Variants in PCDHA6 observed in about 807,000 individuals in gnomAD.
PCDHA6 encodes protocadherin alpha-6.
Under a neutral mutation model 60.3 loss-of-function variants are expected in PCDHA6, and 55 were observed. The observed-to-expected ratio is 0.91, with a 90% confidence interval of 0.73 to 1.14. PCDHA6 has a LOEUF of 1.14. Ranked by LOEUF, PCDHA6 falls within the 50% of genes most tolerant of loss-of-function variation. The pLI, the probability that PCDHA6 is intolerant of heterozygous loss-of-function variation, is 0.00. For missense variants in PCDHA6, 1,327 were observed against 1,256.5 expected, an observed-to-expected ratio of 1.06 and a Z score of -0.85; for synonymous variants, 652 against 557.9, an observed-to-expected ratio of 1.17 and a Z score of -2.38.
At chr5:140,871,496 T>C in intron 1 of PCDHA6, 1 of 1,587,392 alleles carries the variant, frequency 6.3e-7, no homozygotes, top group Non-Finnish European at 8.6e-7. Flanking sequence ...CCCGGACAGG[T>C]GAGTTTTCTA....
Position 140,881,345 on chromosome 5 carries a change from T to A in PCDHA6, c.2394+50860T>A, listed in dbSNP as rs2058675594. The A allele has an allele frequency of 4.1e-6, 4 of 985,136 alleles. No individual in the cohort carries two copies. In the African/African-American group the frequency reaches 7.0e-5, roughly 17 times the overall value. The allele number at this position is 985,136 out of a possible 1,614,324, so 61.0% of individuals were successfully genotyped here. A position where few individuals can be genotyped will look rare whatever the true frequency, so the allele number is the denominator to read the frequency against. On this transcript the variant is annotated intron_variant, in intron 1 of 3. Transcript: ENST00000529310. ...ATTTAACCAGGACGCCGATTCGGGC[T>A]ACAATGCGTGGCTTTCGTATGAATT... is the stretch of plus-strand genomic sequence containing the variant.
At chr5:140,857,724 A>C in intron 1 of PCDHA6, 1 of 1,597,434 alleles carries the variant, frequency 6.3e-7, no homozygotes. Flanking sequence ...GACGAGAACG[A>C]CAACGCTCCC....
At chr5:140,884,391 C>G in intron 1 of PCDHA6, 1 of 1,613,982 alleles carries the variant, frequency 6.2e-7, no homozygotes, top group Non-Finnish European at 8.5e-7. Flanking sequence ...TGCGCGGTGT[C>G]CAGCCTGTTG....
chr5:140,900,416 T>G (rs1303205296), intron 1 of PCDHA6, among the ~76,000 whole-genome samples: 8 of 152,220 alleles, frequency 5.3e-5, no homozygotes, highest in Admixed American at 5.2e-4. Flanking sequence ...TAGCTGGGAT[T>G]ATAGGCACGT....
At chr5:140,993,103 G>A (rs2097540365) in intron 3 of PCDHA6, among the ~76,000 whole-genome samples, 1 of 152,218 alleles carries the variant, frequency 6.6e-6, no homozygotes, top group East Asian at 1.9e-4. Context: ...TTTATTCAGC[G>A]GTCAGTGTCA....
chr5:140,877,467 G>A (rs1554169776), intron 1 of PCDHA6: 1 of 1,613,750 alleles, frequency 6.2e-7, no homozygotes, highest in African/African-American at 1.3e-5. Flanking sequence ...CGGCCACGGT[G>A]CTGGTGTCGC....
chr5:140,913,462 G>A (rs1300773586), intron 1 of PCDHA6, among the ~76,000 whole-genome samples: 1 of 151,764 alleles, frequency 6.6e-6, no homozygotes, highest in African/African-American at 2.4e-5. Context: ...TTATTTACTT[G>A]GGTCTTCTCT....
Position 141,005,651 on chromosome 5 carries a change from G to A in PCDHA6, c.2543-3976G>A, listed in dbSNP as rs1554260215. ...CGGGAGGCGGAGCTTGCAGTGAGTC[G>A]AGATCGCGCCACTGCACTCCAGCCT... On this transcript the variant is annotated intron_variant, in intron 3 of 3. Coordinates refer to ENST00000529310, the MANE Select transcript of PCDHA6 (RefSeq NM_018909.4). Among the ~76,000 whole-genome samples, 4 of 131,238 alleles carry A rather than the reference G, an allele frequency of 3.0e-5. No homozygotes were observed. In the East Asian group the frequency reaches 7.0e-4, roughly 23 times the overall value. The allele number at this position is 131,238 out of a possible 152,430, so 86.1% of individuals were successfully genotyped here.
At position 140,876,586 on chromosome 5, in the gene PCDHA6, A is replaced by C. The variant is rs782256478; in HGVS notation, c.2394+46101A>C. 3 of 1,614,148 alleles carry C rather than the reference A, an allele frequency of 1.9e-6. No individual in the cohort carries two copies. The South Asian group carries it at 3.3e-5, about 18-fold the overall frequency. On this transcript the variant is annotated intron_variant, in intron 1 of 3. Transcript: ENST00000529310. Reference sequence around the variant, plus strand: ...TCAGGTGGGTACCGTCATTGCCCTGATTAGCGTGTCGGATCGTGACTCTGG... The same window carrying C: ...TCAGGTGGGTACCGTCATTGCCCTGCTTAGCGTGTCGGATCGTGACTCTGG...
At chr5:140,883,367 G>A (rs782044159) in intron 1 of PCDHA6, 2 of 1,614,124 alleles carry the variant, frequency 1.2e-6, no homozygotes, top group East Asian at 2.2e-5. Context: ...TCAGCCTAGC[G>A]CCATTATTGC....
intron 1 of PCDHA6, chr5:140,835,642 C>T (rs2150240514): frequency 1.2e-6 from 2 of 1,613,940 alleles, no homozygotes; most frequent in East Asian, 2.2e-5. Flanking sequence ...AGTGTGTCCG[C>T]CTATGAGCTG....
intron 1 of PCDHA6, among the ~76,000 whole-genome samples, chr5:140,945,334 A>G (rs1352254498): frequency 6.6e-6 from 1 of 152,134 alleles, no homozygotes; most frequent in Non-Finnish European, 1.5e-5. Flanking sequence ...TTTTATGTTC[A>G]TAGCTTGGAA....
intron 1 of PCDHA6, chr5:140,864,760 T>C (rs1282604676): frequency 6.6e-6 from 1 of 152,230 alleles, no homozygotes; most frequent in Non-Finnish European, 1.5e-5. Flanking sequence ...TCATTTTTCT[T>C]TCATTTTTGG....
chr5:140,882,565 C>A (rs782122682), intron 1 of PCDHA6: 9 of 1,614,118 alleles, frequency 5.6e-6, no homozygotes, highest in African/African-American at 2.7e-5. Flanking sequence ...GTGGGCGGAG[C>A]GCGGAGTGCA....
At chr5:140,967,001 A>G (rs1048933252) in intron 1 of PCDHA6, 5 of 1,605,060 alleles carry the variant, frequency 3.1e-6, no homozygotes, top group East Asian at 2.2e-5. Flanking sequence ...TTGCTTGCGC[A>G]TCAACCATCT....
At chr5:140,860,165 GT>G (rs1478173649) in intron 1 of PCDHA6, 2 of 147,750 alleles carry the variant, frequency 1.4e-5, no homozygotes, top group Non-Finnish European at 3.0e-5. Flanking sequence ...ATATATATAT[GT>G]ATATATATAT....
intron 1 of PCDHA6, among the ~76,000 whole-genome samples, chr5:140,956,672 G>A (rs571890845): frequency 1.3e-5 from 2 of 152,242 alleles, no homozygotes; most frequent in Admixed American, 1.3e-4. Context: ...AAAGGAGTTA[G>A]GGAGGAGTAC....
chr5:140,870,945 G>T, intron 1 of PCDHA6: 2 of 1,613,724 alleles, frequency 1.2e-6, no homozygotes, highest in Non-Finnish European at 1.7e-6. Flanking sequence ...AGCCGGCGGC[G>T]GGCGGCTCGC....
At chr5:140,960,436 G>C (rs2095548378) in intron 1 of PCDHA6, among the ~76,000 whole-genome samples, 1 of 152,180 alleles carries the variant, frequency 6.6e-6, no homozygotes. Context: ...TGATACTCTA[G>C]ATATATGTAT....
Sources: allele counts gnomAD v4.1 joint callset (sites outside exome capture counted in the v4.1 genomes callset), GRCh38; gene constraint gnomAD v4.1.1; transcripts MANE v1.5; gene names NCBI Gene and HGNC (gene_info 2026-07-23, HGNC 2026-07-21).